SHISA9: variants seen among roughly 807,000 people sequenced by gnomAD.
SHISA9 encodes protein shisa-9.
SHISA9 carries 13 observed loss-of-function variants against 38.0 expected under a neutral mutation model. That is an observed-to-expected ratio of 0.34 (90% CI 0.22 to 0.54). The LOEUF (loss-of-function observed/expected upper bound fraction) is 0.54, where lower values mean the gene tolerates loss of function less well. Ranked by LOEUF, SHISA9 falls within the 20% of genes least tolerant of loss-of-function variation. The probability of loss-of-function intolerance (pLI) is 0.91; values close to 1 mark genes in which losing one functional copy is unlikely to be tolerated. For missense variants in SHISA9, 538 were observed against 575.8 expected (o/e 0.93, Z 0.67); for synonymous variants, 275 against 242.0 (o/e 1.14, Z -1.27).
chr16:12,956,553 A>G (rs1013947412), intron 2 of SHISA9, among the ~76,000 whole-genome samples: 1 of 152,236 alleles, frequency 6.6e-6, no homozygotes, highest in Non-Finnish European at 1.5e-5. Context: ...CATAAAAAGA[A>G]TGAAATCATG....
the SHISA9 span, among the ~76,000 whole-genome samples, chr16:13,561,012 C>T: frequency 1.3e-5 from 2 of 151,994 alleles, no homozygotes; most frequent in Non-Finnish European, 1.5e-5. Flanking sequence ...TACAGGCGTC[C>T]GACACCACTC....
At chr16:13,042,207 C>G (rs555833721) in intron 2 of SHISA9, among the ~76,000 whole-genome samples, 11 of 152,272 alleles carry the variant, frequency 7.2e-5, no homozygotes, top group African/African-American at 2.6e-4. Context: ...TTGCACTGGT[C>G]GCTACCTTTA....
At chr16:13,356,900 G>A in the SHISA9 span, among the ~76,000 whole-genome samples, 1 of 152,180 alleles carries the variant, frequency 6.6e-6, no homozygotes, top group African/African-American at 2.4e-5. Context: ...TGGAACTACC[G>A]TCGAGTTTGT....
At chr16:13,113,264 G>C (rs1367295041) in intron 2 of SHISA9, among the ~76,000 whole-genome samples, 1 of 149,028 alleles carries the variant, frequency 6.7e-6, no homozygotes, top group Non-Finnish European at 1.5e-5. Context: ...TTCAGGCCTA[G>C]ACTGACCTAA....
At chr16:12,952,997 G>C (rs1332981489) in intron 2 of SHISA9, among the ~76,000 whole-genome samples, 5 of 152,160 alleles carry the variant, frequency 3.3e-5, no homozygotes, top group African/African-American at 4.8e-5. Context: ...TAATGGGGAA[G>C]ACTAATAACT....
At chr16:13,202,807 ATGCTTTTATTTCTGTAGGCTCAGT>A (rs1482295976) in intron 2 of SHISA9, among the ~76,000 whole-genome samples, 6 of 152,362 alleles carry the variant, frequency 3.9e-5, no homozygotes, top group African/African-American at 1.4e-4. Context: ...TTACATTCTG[ATGCTTTTATTTCTGTAGGCTCAGT>A]TGCTAAAAGT....
At chr16:13,458,452 C>T in the SHISA9 span, 10 of 381,510 alleles carry the variant, frequency 2.6e-5, no homozygotes, top group Non-Finnish European at 4.1e-5. Context: ...TCAGATAAAG[C>T]GGAGGGAAGG....
At chr16:13,549,422 C>A in the SHISA9 span, among the ~76,000 whole-genome samples, 1 of 151,810 alleles carries the variant, frequency 6.6e-6, no homozygotes, top group Non-Finnish European at 1.5e-5. Flanking sequence ...ACACTGTACC[C>A]CATAAATGTG....
rs966322063 is a variant in SHISA9, at chr16:13,021,140, C to T, written c.691+104325C>T. The stretch of plus-strand genomic sequence containing the variant: ...GTCTCCTTGAGTGCTAGACCTCTCT[C>T]GAAGCGATGGCTCTCAACCAGGGAC... On this transcript the variant is annotated intron_variant, in intron 2 of 4. Coordinates refer to ENST00000558583, the MANE Select transcript of SHISA9 (RefSeq NM_001145204.3). Among the ~76,000 whole-genome samples the T allele has an allele frequency of 3.3e-5, 5 of 152,154 alleles. No individual in the cohort carries two copies. In the East Asian group the frequency reaches 5.8e-4, roughly 18 times the overall value.
chr16:12,921,542 G>A (rs1018363242), intron 2 of SHISA9, among the ~76,000 whole-genome samples: 1 of 152,142 alleles, frequency 6.6e-6, no homozygotes, highest in African/African-American at 2.4e-5. Context: ...CGGGAGGATC[G>A]TTTGAGGTCA....
the SHISA9 span, among the ~76,000 whole-genome samples, chr16:13,276,343 A>AC: frequency 1.3e-4 from 20 of 151,748 alleles, no homozygotes; most frequent in African/African-American, 4.6e-4. Context: ...TGGTTTCATG[A>AC]TTTTGCTGTT....
chr16:13,511,337 C>A, the SHISA9 span, among the ~76,000 whole-genome samples: 1 of 152,152 alleles, frequency 6.6e-6, no homozygotes, highest in South Asian at 2.1e-4. Flanking sequence ...GAGACCTCAG[C>A]TTAAGATCAC....
chr16:13,465,655 A>G, the SHISA9 span, among the ~76,000 whole-genome samples: 2 of 152,222 alleles, frequency 1.3e-5, no homozygotes, highest in African/African-American at 4.8e-5. Flanking sequence ...ACAGAGCCTC[A>G]GAAAGCTGAG....
the SHISA9 span, among the ~76,000 whole-genome samples, chr16:13,469,381 G>GAAAGAAAAGAA: frequency 2.0e-5 from 2 of 100,390 alleles, no homozygotes; most frequent in Non-Finnish European, 4.2e-5. Flanking sequence ...AAGAAAGAAA[G>GAAAGAAAAGAA]AAAGAAAGAA....
At chr16:13,363,900 C>T in the SHISA9 span, among the ~76,000 whole-genome samples, 1 of 152,084 alleles carries the variant, frequency 6.6e-6, no homozygotes, top group African/African-American at 2.4e-5. Context: ...GTCCTAAGAA[C>T]TTGTTATAAA....
At chr16:13,419,720 T>C in the SHISA9 span, among the ~76,000 whole-genome samples, 1 of 152,206 alleles carries the variant, frequency 6.6e-6, no homozygotes, top group African/African-American at 2.4e-5. Flanking sequence ...TTATAGCAAC[T>C]ACTCAACTCT....
chr16:13,011,688 AT>A (rs1309476075), intron 2 of SHISA9, among the ~76,000 whole-genome samples: 1 of 151,770 alleles, frequency 6.6e-6, no homozygotes, highest in African/African-American at 2.4e-5. Flanking sequence ...TGCCTGGCTA[AT>A]TTTTTGTATT....
the SHISA9 span, among the ~76,000 whole-genome samples, chr16:13,421,562 T>G: frequency 3.3e-5 from 5 of 152,190 alleles, no homozygotes; most frequent in African/African-American, 4.8e-5. Context: ...ATGTGGGAAT[T>G]ACGGGAGCTA....
At chr16:13,532,557 A>ATGTGTGTG in the SHISA9 span, among the ~76,000 whole-genome samples, 14,981 of 150,036 alleles carry the variant, frequency 0.1, 799 homozygotes, top group Non-Finnish European at 0.13. Context: ...GCGTGTGTGT[A>ATGTGTGTG]TGTGTGTGTG....
Sources: gnomAD v4.1 joint callset for allele counts (sites outside exome capture counted in the v4.1 genomes callset) on GRCh38, gnomAD v4.1.1 for gene constraint, MANE v1.5 for transcripts, NCBI Gene and HGNC (gene_info 2026-07-23, HGNC 2026-07-21) for gene names.